Variants in PKD1 observed in about 807,000 individuals in gnomAD.
PKD1 encodes polycystin-1.
In PKD1, 81 loss-of-function variants were observed where a neutral mutation model predicts 361.7. The observed-to-expected ratio is 0.22, with a 90% CI of 0.19 to 0.27. The LOEUF (loss-of-function observed/expected upper bound fraction) is 0.27. Among genes scored for constraint, PKD1 ranks in the 10% least tolerant of loss-of-function variants. The pLI, the probability that PKD1 is intolerant of heterozygous loss-of-function variation, is 1.00. For synonymous variants in PKD1, 3,615 were observed against 2,818.3 expected (o/e 1.28, Z -8.95); for missense variants, 6,399 against 6,118.3 (o/e 1.05, Z -1.53).
chr16:2,093,978 C>A lies in PKD1; in HGVS notation c.10654G>T (p.Ala3552Ser), dbSNP rs141670808. The A allele has an allele frequency of 2.6e-4, 417 of 1,587,434 alleles. No homozygotes were observed. Among genetic ancestry groups the A allele is most frequent in the Middle Eastern group, 1.7e-3 (10 of 6,040 alleles). The change falls in exon 36 of 46, where the codon GCC becomes TCC. Residue 3552 changes from alanine (A) to serine (S), a missense_variant. Coordinates refer to ENST00000262304, the MANE Select transcript of PKD1 (RefSeq NM_001009944.3). ...VEGLRKRLLP[A>S]WCASLAHGLS... Reference sequence around the variant, plus strand: ...CCGTGGGCCAGGGAGGCACACCAGGCCGGCAGCAGGCGCTTCCGCAGACCC... The same window carrying A: ...CCGTGGGCCAGGGAGGCACACCAGGACGGCAGCAGGCGCTTCCGCAGACCC...
In PKD1 at chr16:2,100,911, C is replaced by T. The variant is rs541549059; in HGVS notation, c.9398-345G>A. On this transcript the variant is annotated intron_variant, in intron 26 of 45. Coordinates refer to ENST00000262304, the MANE Select transcript of PKD1 (RefSeq NM_001009944.3). The surrounding 1 kb of genome is among the most constrained non-coding windows in gnomAD (Gnocchi z 4.4). Reference sequence around the variant, plus strand: ...GGTGACCCGCACCACACACCCGTCCCTCAGTTCATGCACAGACTGCAAAGC... The same window carrying T: ...GGTGACCCGCACCACACACCCGTCCTTCAGTTCATGCACAGACTGCAAAGC... 9.2e-6 allele frequency: 4 copies of T among 432,516 alleles called. No individual in the cohort carries two copies. Among genetic ancestry groups the T allele is most frequent in the South Asian group, 8.7e-5 (4 of 45,958 alleles). 26.8% of individuals were successfully genotyped at this position (432,516 alleles called of 1,614,324 possible).
rs768754987 is a variant in PKD1 at position 2,105,331 on chromosome 16, G to C, written c.8007C>G (p.Ala2669=). Residue 2669 remains alanine, a synonymous_variant, in exon 21 of 46, where the codon GCC becomes GCG. Transcript: ENST00000262304. ...DDIQQIAAAL[A]QCMGPSRELV... ...GGTGGGGCCATCCTACCATGCACTG[G>C]GCCAGCGCAGCAGCGATCTGCTGGA... 3 of 1,594,166 alleles carry C rather than the reference G, an allele frequency of 1.9e-6. No individual in the cohort carries two copies. The highest frequency in any genetic ancestry group is 2.5e-6 in the Non-Finnish European group (3 of 1,178,338).
In PKD1 at chr16:2,090,093, G is replaced by A. The variant is rs746297502; in HGVS notation, c.12546C>T (p.Ser4182=). 22 of 1,607,714 alleles carry A rather than the reference G, an allele frequency of 1.4e-5. No homozygotes were observed. Among genetic ancestry groups the A allele is most frequent in the Middle Eastern group, 1.7e-4 (1 of 6,044 alleles). Residue 4182 remains serine, a synonymous_variant, in exon 46 of 46, where the codon TCC becomes TCT. Transcript: ENST00000262304. The part of the protein sequence containing the change: ...SPDVPPPSAG[S]DASHPSTSSS... ...AGGAGGTGGAGGGGTGCGAGGCATC[G>A]GAGCCAGCGCTGGGTGGGGGCACAT... is the stretch of plus-strand genomic sequence containing the variant.
rs137978188 is a variant in PKD1 at position 2,109,340 on chromosome 16, C to T, written c.5827G>A (p.Val1943Ile). 7.4e-3 allele frequency: 11,782 copies of T among 1,590,862 alleles called. 774 individuals are homozygous for T. The African/African-American group carries it at 0.13, about 18-fold the overall frequency. The change falls in exon 15 of 46, where the codon GTC (valine) becomes ATC (isoleucine). Residue 1943 changes from valine to isoleucine, a missense_variant. Physicochemically the swap from Val to Ile is conservative, Grantham distance 29 (BLOSUM62 3). Coordinates refer to ENST00000262304, the MANE Select transcript of PKD1 (RefSeq NM_001009944.3). Reference protein sequence around the residue: ...GPRFSHSFPRVGDHVVSVRGK... With the variant: ...GPRFSHSFPRIGDHVVSVRGK... ...CGCACGCTCACCACGTGGTCTCCGA[C>T]GCGGGGGAAGCTGTGGGAGAAACGG...
intron 1 of PKD1, 51 bp from the exon 2 acceptor site, chr16:2,119,429 G>C: frequency 8.3e-7 from 1 of 1,210,954 alleles, no homozygotes; most frequent in South Asian, 1.3e-5. Context: ...GTAGGCCAGA[G>C]GCCATCCCTG....
rs2091704414 is a variant in PKD1, at chr16:2,093,582, C to T, written c.10978G>A (p.Glu3660Lys). ...HGFALFLAKE[E>K]ARKVKRLHGM... is the part of the protein sequence containing the mutation. The stretch of plus-strand genomic sequence containing the variant: ...TGTAGCCTCTTGACCTTGCGGGCTT[C>T]TTCCTTGGCCAGGAAGAGTGCAAAG... The change falls in exon 37 of 46, where the codon GAA (glutamate) becomes AAA (lysine). Residue 3660 changes from glutamate (E) to lysine (K), a missense_variant. Transcript: ENST00000262304. 4 of 1,607,646 alleles carry T rather than the reference C, an allele frequency of 2.5e-6. No individual in the cohort carries two copies. The highest frequency in any genetic ancestry group is 3.4e-6 in the Non-Finnish European group (4 of 1,177,420).
rs141415937 is a variant in PKD1, at chr16:2,115,239, G to A, written c.2097+139C>T. The A allele has an allele frequency of 7.8e-4, 837 of 1,068,328 alleles. 3 individuals carry two copies. The African/African-American group carries it at 0.012, about 15-fold the overall frequency. The allele number at this position is 1,068,328 out of a possible 1,614,324, so 66.2% of individuals were successfully genotyped here. On this transcript the variant is annotated intron_variant, in intron 10 of 45. Transcript: ENST00000262304. ...GGAGAGGGCCGAGGGCACTGCAGAG[G>A]TCGGAGGTCAGAGGTGGCAAGGACG...
Position 2,090,791 on chromosome 16 carries a change from G to C in PKD1, c.12021C>G (p.Arg4007=), listed in dbSNP as rs575718127. The C allele has an allele frequency of 5.0e-6, 8 of 1,612,556 alleles. No homozygotes were observed. Among genetic ancestry groups the C allele is most frequent in the Non-Finnish European group, 6.8e-6 (8 of 1,179,962 alleles). The change falls in exon 44 of 46, where the codon CGC becomes CGG. Residue 4007 remains arginine, a synonymous_variant. Coordinates refer to ENST00000262304, the MANE Select transcript of PKD1 (RefSeq NM_001009944.3). ...CAAAGACGGACCACTGGCGCACGAA[G>C]CGTAGCTGCTGGGCAGCCTGCGGAC... ...LLLVKAAQQL[R]FVRQWSVFGK...
In PKD1 at chr16:2,108,058, G is replaced by A. The variant is rs780054195; in HGVS notation, c.6916-26C>T. ...CTGCAGGCCGAGAACAAGGGGCGAC[G>A]TGGCCTGAGAGCCCCATCCAGTTTT... On this transcript the variant is annotated intron_variant, in intron 15 of 45. Transcript: ENST00000262304. The A allele has an allele frequency of 3.5e-5, 55 of 1,580,804 alleles. 1 individual carries two copies. Among genetic ancestry groups the A allele is most frequent in the East Asian group, 3.2e-4 (14 of 43,250 alleles).
chr16:2,110,364 G>C lies in PKD1; in HGVS notation c.4803C>G (p.Phe1601Leu). 3.7e-6 allele frequency: 6 copies of C among 1,612,626 alleles called. No homozygotes were observed. Among genetic ancestry groups the C allele is most frequent in the Non-Finnish European group, 5.1e-6 (6 of 1,179,844 alleles). The change falls in exon 15 of 46, where the codon TTC becomes TTG. Residue 1601 changes from phenylalanine to leucine, a missense_variant. Phe to Leu is a conservative substitution (Grantham distance 22). Coordinates refer to ENST00000262304, the MANE Select transcript of PKD1 (RefSeq NM_001009944.3). ...TGATATTGAAGGTGCCCACGGAGCG[G>C]AAGGTGTAAGAGATGGTAGGACCCC... is the stretch of plus-strand genomic sequence containing the variant. ...IPGGPTISYT[F>L]RSVGTFNIIV...
intron 30 of PKD1, among the ~76,000 whole-genome samples, chr16:2,098,439 G>T (rs1177197044): frequency 6.7e-6 from 1 of 149,938 alleles, no homozygotes; most frequent in East Asian, 2.0e-4. Context: ...TGGAACTCCT[G>T]ACCTCAAGTG....
Position 2,091,506 on chromosome 16 carries a change from C to G in PKD1, c.11629G>C (p.Gly3877Arg). ...VTLRLEFPAAGRALAALSVRP... is the reference protein window; with the variant it reads ...VTLRLEFPAARRALAALSVRP... ...ACGCTGAGGGCGGCCAGGGCGCGGC[C>G]GGCCGCCGGGAACTCGAGGCGCAGC... The change falls in exon 42 of 46, where the codon GGC (glycine) becomes CGC (arginine). Residue 3877 changes from glycine to arginine, a missense_variant. Physicochemically the swap from Gly to Arg is moderately radical, Grantham distance 125 (BLOSUM62 -2). Transcript: ENST00000262304. The G allele has an allele frequency of 7.0e-7, 1 of 1,434,046 alleles. No homozygotes were observed. The highest frequency in any genetic ancestry group is 9.1e-7 in the Non-Finnish European group (1 of 1,103,364). 88.8% of individuals were successfully genotyped at this position (1,434,046 alleles called of 1,614,324 possible). A position where few individuals can be genotyped will look rare whatever the true frequency, so the allele number is the denominator to read the frequency against.
chr16:2,117,612 C>T lies in PKD1; in HGVS notation c.1262G>A (p.Arg421His), dbSNP rs750311903. 17 of 1,610,284 alleles carry T rather than the reference C, an allele frequency of 1.1e-5. No individual in the cohort carries two copies. The highest frequency in any genetic ancestry group is 8.9e-5 in the East Asian group (4 of 44,880). Residue 421 changes from arginine to histidine, a missense_variant, in exon 6 of 46, where the codon CGC (arginine) becomes CAC (histidine). By Grantham distance (29) the Arg-to-His change is conservative. Transcript: ENST00000262304. The part of the protein sequence containing the change: ...EIFPGNGHCY[R>H]LVVEKAAWLQ... ...CCAGGCCGCCTTCTCCACCACCAGGCGGTAGCAGTGCCCGTTGCCAGGGAA... is the reference window on the plus strand; with the variant it reads ...CCAGGCCGCCTTCTCCACCACCAGGTGGTAGCAGTGCCCGTTGCCAGGGAA...
intron 1 of PKD1, chr16:2,120,142 G>A (rs1288385669): frequency 3.9e-6 from 2 of 509,534 alleles, no homozygotes; most frequent in South Asian, 2.7e-5. Flanking sequence ...GCCCAGAGAG[G>A]TCAAGGCTAC....
intron 1 of PKD1, among the ~76,000 whole-genome samples, chr16:2,122,565 A>G (rs2092738375): frequency 6.6e-6 from 1 of 152,194 alleles, no homozygotes; most frequent in African/African-American, 2.4e-5. Flanking sequence ...GGGGTGGGAC[A>G]GGGTGGTGGC....
chr16:2,102,893 A>G lies in PKD1; in HGVS notation c.8869T>C (p.Cys2957Arg). Residue 2957 changes from cysteine (C) to arginine (R), a missense_variant, in exon 24 of 46, where the codon TGC becomes CGC. Coordinates refer to ENST00000262304, the MANE Select transcript of PKD1 (RefSeq NM_001009944.3). ...HSEPRPNEHN[C>R]SASRRIRPES... ...GGGCGGATCCTCCTGCTAGCCGAGCAGTTGTGCTCATTGGGCCGGGGCTCC... is the reference window on the plus strand; with the variant it reads ...GGGCGGATCCTCCTGCTAGCCGAGCGGTTGTGCTCATTGGGCCGGGGCTCC... 6.2e-7 allele frequency: 1 copy of G among 1,610,106 alleles called. No homozygotes were observed. Among genetic ancestry groups the G allele is most frequent in the African/African-American group, 1.3e-5 (1 of 74,982 alleles).
In PKD1 at chr16:2,113,223, G is replaced by A. The variant is rs961951428; in HGVS notation, c.2923C>T (p.Leu975=). Residue 975 remains leucine, a synonymous_variant, in exon 12 of 46, where the codon CTG becomes TTG. Coordinates refer to ENST00000262304, the MANE Select transcript of PKD1 (RefSeq NM_001009944.3). ...FRWTINDKQS[L]TFQNVVFNVI... The stretch of plus-strand genomic sequence containing the variant: ...TTGAAGACCACGTTCTGGAAGGTCA[G>A]GGACTGCTTGTCGTTGATGGTCCAC... 2.8e-5 allele frequency: 40 copies of A among 1,424,492 alleles called. No homozygotes were observed. Among genetic ancestry groups the A allele is most frequent in the African/African-American group, 5.7e-5 (4 of 70,752 alleles). 88.2% of individuals were successfully genotyped at this position (1,424,492 alleles called of 1,614,324 possible).
Position 2,089,484 on chromosome 16 carries a change from G to A in PKD1, c.*243C>T. The stretch of plus-strand genomic sequence containing the variant: ...GGGGAAATAAATTAGCATCTCAGAG[G>A]CTAGAAACCGTCCAATACTGCTGTG... On this transcript the variant is annotated 3_prime_UTR_variant, in exon 46 of 46. Coordinates refer to ENST00000262304, the MANE Select transcript of PKD1 (RefSeq NM_001009944.3). The A allele has an allele frequency of 3.5e-6, 2 of 576,380 alleles. No individual in the cohort carries two copies. The highest frequency in any genetic ancestry group is 2.9e-5 in the East Asian group (1 of 34,712). The allele number at this position is 576,380 out of a possible 1,614,324, so 35.7% of individuals were successfully genotyped here.
At chr16:2,119,484 A>C in intron 1 of PKD1, 106 bp from the exon 2 acceptor site, 1 of 705,800 alleles carries the variant, frequency 1.4e-6, no homozygotes, top group South Asian at 1.5e-5. Flanking sequence ...ATGGCCTCCC[A>C]CCCTTGAGCT....
Sources: gnomAD v4.1 joint callset for allele counts (sites outside exome capture counted in the v4.1 genomes callset) on GRCh38, gnomAD v4.1.1 for gene constraint, Gnocchi (gnomAD v3.1) non-coding constraint, MANE v1.5 for transcripts, NCBI Gene and HGNC (gene_info 2026-07-23, HGNC 2026-07-21) for gene names.